TYW1: variants seen among roughly 807,000 people sequenced by gnomAD.
The protein encoded by TYW1 is S-adenosyl-L-methionine-dependent tRNA 4-demethylwyosine synthase TYW1.
In TYW1, 46 loss-of-function variants were observed where a neutral mutation model predicts 96.2. The ratio of observed to expected loss-of-function variants is 0.48; its 90% CI spans 0.38 to 0.61. TYW1 has a LOEUF of 0.61. Ranked by LOEUF, TYW1 falls within the 20% of genes least tolerant of loss-of-function variation. TYW1 has a pLI of 0.00. For synonymous variants in TYW1, 274 were observed against 323.0 expected, an observed-to-expected ratio of 0.85 and a Z score of 1.63; for missense variants, 684 against 909.6, an observed-to-expected ratio of 0.75 and a Z score of 3.19.
chr7:67,014,780 G>C (rs1259329550), intron 5 of TYW1, among the ~76,000 whole-genome samples: 1 of 152,166 alleles, frequency 6.6e-6, no homozygotes, highest in Non-Finnish European at 1.5e-5. Flanking sequence ...CCAGGCTGGA[G>C]TGCAGTGGCA....
intron 13 of TYW1, among the ~76,000 whole-genome samples, chr7:67,146,804 T>G (rs528926040): frequency 6.6e-6 from 1 of 152,362 alleles, no homozygotes; most frequent in East Asian, 1.9e-4. Context: ...AACCAGAGGC[T>G]GATACAGTGG....
At chr7:67,099,700 G>T (rs1389158372) in intron 12 of TYW1, among the ~76,000 whole-genome samples, 1 of 152,076 alleles carries the variant, frequency 6.6e-6, no homozygotes, top group African/African-American at 2.4e-5. Flanking sequence ...GAATGAGGGA[G>T]TCTTAAAAAA....
intron 10 of TYW1, among the ~76,000 whole-genome samples, chr7:67,081,220 CTTTTTTTTTT>C (rs59852863): frequency 8.3e-6 from 1 of 120,176 alleles, no homozygotes; most frequent in African/African-American, 3.1e-5. Flanking sequence ...GCTTGGTGGT[CTTTTTTTTTT>C]TTTTTTTTTC....
chr7:67,235,970 G>A (rs116746281), intron 15 of TYW1, among the ~76,000 whole-genome samples: 5,704 of 151,080 alleles, frequency 0.038, 328 homozygotes, highest in African/African-American at 0.13. Flanking sequence ...GGCATATGTT[G>A]TTAAGTTCCT....
intron 14 of TYW1, among the ~76,000 whole-genome samples, chr7:67,184,810 C>T (rs939828409): frequency 1.3e-5 from 2 of 151,518 alleles, no homozygotes; most frequent in Non-Finnish European, 2.9e-5. Flanking sequence ...CGGGTTCAAG[C>T]GATTCTCCTC....
In TYW1 at chr7:67,171,948, C is replaced by T. The variant is rs371676000; in HGVS notation, c.1699-11178C>T. ...CCCAAAAATTTTCTCTCTAGTCTAT[C>T]GTGCATCTCTGCTTCCATCTGAAGG... is the stretch of plus-strand genomic sequence containing the variant. On this transcript the variant is annotated intron_variant, in intron 13 of 15. Coordinates refer to ENST00000359626, the MANE Select transcript of TYW1 (RefSeq NM_018264.4). Among the ~76,000 whole-genome samples the T allele has an allele frequency of 2.4e-4, 36 of 152,226 alleles. No homozygotes were observed. In the East Asian group the frequency reaches 4.6e-3, roughly 20 times the overall value.
intron 14 of TYW1, among the ~76,000 whole-genome samples, chr7:67,193,771 A>G (rs1204439109): frequency 6.6e-6 from 1 of 151,720 alleles, no homozygotes; most frequent in East Asian, 1.9e-4. Context: ...AAAAAAAAAA[A>G]AAAAAATTCA....
chr7:67,029,434 A>ACACATATATAT (rs1251271240), intron 7 of TYW1, among the ~76,000 whole-genome samples: 1 of 60,442 alleles, frequency 1.7e-5, no homozygotes, highest in East Asian at 7.1e-4. Flanking sequence ...TATATATATA[A>ACACATATATAT]ATAGTATTTT....
chr7:67,039,968 T>C (rs1372880621), intron 7 of TYW1, among the ~76,000 whole-genome samples: 1 of 150,396 alleles, frequency 6.6e-6, no homozygotes, highest in Non-Finnish European at 1.5e-5. Flanking sequence ...GTCTATTTTT[T>C]TTTTTTGAGA....
Position 67,118,878 on chromosome 7 carries a change from GAAAAAAAAAA to G in TYW1, c.1698+1280_1698+1289del, listed in dbSNP as rs60194362. On this transcript the variant is annotated intron_variant, in intron 13 of 15. Coordinates refer to ENST00000359626, the MANE Select transcript of TYW1 (RefSeq NM_018264.4). ...GTGGGTGACAGTGAGACCCCTATCTGAAAAAAAAAAAAAAAAAAAAAAAAAAAAAGGGTCT... is the reference window on the plus strand; with the variant it reads ...GTGGGTGACAGTGAGACCCCTATCTGAAAAAAAAAAAAAAAAAAAGGGTCT... Among the ~76,000 whole-genome samples, 21 of 72,242 alleles carry G rather than the reference GAAAAAAAAAA, an allele frequency of 2.9e-4. 1 individual carries two copies. The highest frequency in any genetic ancestry group is 1.7e-3 in the Admixed American group (10 of 5,794). 47.4% of individuals were successfully genotyped at this position (72,242 alleles called of 152,430 possible).
chr7:67,035,125 T>TC (rs112494297), intron 7 of TYW1, among the ~76,000 whole-genome samples: 4 of 106,444 alleles, frequency 3.8e-5, no homozygotes, highest in African/African-American at 1.4e-4. Flanking sequence ...CATTTCTTTC[T>TC]TTTTTTTTTT....
In TYW1 at chr7:67,009,670, C is replaced by T; in HGVS notation, c.361C>T (p.His121Tyr). 1 of 1,606,874 alleles carries T rather than the reference C, an allele frequency of 6.2e-7. No individual in the cohort carries two copies. Among genetic ancestry groups the T allele is most frequent in the Non-Finnish European group, 8.5e-7 (1 of 1,177,918 alleles). The part of the protein sequence containing the change: ...INLKEYDPDD[H>Y]LIEEVTSKNV... Reference sequence around the variant, plus strand: ...TCTAAAAGAATATGATCCAGATGATCATCTGATAGAAGAGGTTGGTAATTG... The same window carrying T: ...TCTAAAAGAATATGATCCAGATGATTATCTGATAGAAGAGGTTGGTAATTG... The change falls in exon 4 of 16, where the codon CAT (histidine) becomes TAT (tyrosine). Residue 121 changes from histidine to tyrosine, a missense_variant. By Grantham distance (83) the His-to-Tyr change is moderately conservative. Transcript: ENST00000359626.
intron 1 of TYW1, among the ~76,000 whole-genome samples, chr7:66,997,340 G>A (rs1793205649): frequency 6.6e-6 from 1 of 151,838 alleles, no homozygotes; most frequent in Non-Finnish European, 1.5e-5. Flanking sequence ...AAAATGAGGT[G>A]TAAGGTCAGT....
chr7:67,197,521 T>G (rs1458926461), intron 15 of TYW1, among the ~76,000 whole-genome samples: 1 of 152,218 alleles, frequency 6.6e-6, no homozygotes, highest in African/African-American at 2.4e-5. Context: ...AGACGGGGTT[T>G]CACCGTGTTA....
At chr7:67,164,038 C>T (rs952432429) in intron 13 of TYW1, among the ~76,000 whole-genome samples, 15 of 151,982 alleles carry the variant, frequency 9.9e-5, no homozygotes, top group Admixed American at 2.6e-4. Flanking sequence ...ACTGTTAAAC[C>T]CAACCAATCT....
At chr7:67,176,187 C>T (rs1464607640) in intron 13 of TYW1, among the ~76,000 whole-genome samples, 1 of 151,924 alleles carries the variant, frequency 6.6e-6, no homozygotes, top group Non-Finnish European at 1.5e-5. Context: ...AAGTATATTA[C>T]CTAGGAATAA....
intron 13 of TYW1, among the ~76,000 whole-genome samples, chr7:67,151,051 C>CTT (rs77369502): frequency 4.9e-5 from 7 of 142,756 alleles, no homozygotes; most frequent in Admixed American, 1.4e-4. Context: ...TATTCTTCTT[C>CTT]TTTTTTTTTT....
rs576973025 is a variant in TYW1 at position 67,053,916 on chromosome 7, C to T, written c.1103-1919C>T. 2.0e-5 allele frequency among the ~76,000 whole-genome samples: 3 copies of T among 152,302 alleles called. No homozygotes were observed. The East Asian group carries it at 5.8e-4, about 29-fold the overall frequency. On this transcript the variant is annotated intron_variant, in intron 8 of 15. Coordinates refer to ENST00000359626, the MANE Select transcript of TYW1 (RefSeq NM_018264.4). ...CAAACTGTAGCCACCTTTGTCTCCC[C>T]AGGCTCTGTTGCATTTTCCAAACTC...
chr7:67,062,594 C>G (rs1361136480), intron 9 of TYW1, among the ~76,000 whole-genome samples: 1 of 114,032 alleles, frequency 8.8e-6, no homozygotes, highest in Non-Finnish European at 1.9e-5. Context: ...AAAGAAAACA[C>G]AAATCATCAG....
Sources: allele counts gnomAD v4.1 joint callset (sites outside exome capture counted in the v4.1 genomes callset), GRCh38; gene constraint gnomAD v4.1.1; transcripts MANE v1.5; gene names NCBI Gene and HGNC (gene_info 2026-07-23, HGNC 2026-07-21).